The following MROH9 variants were observed in gnomAD, a reference collection of about 807,000 sequenced individuals.
MROH9 encodes the protein maestro heat-like repeat-containing protein family member 9.
A neutral mutation model predicts 98.2 loss-of-function variants in MROH9; 92 were observed. The observed-to-expected ratio is 0.94, with a 90% CI of 0.79 to 1.11. The LOEUF is 1.11. Among genes scored for constraint, MROH9 ranks in the 50% most tolerant of loss-of-function variants. MROH9 has a pLI of 0.00. For missense variants in MROH9, 1,057 were observed against 1,014.8 expected, an observed-to-expected ratio of 1.04 and a Z score of -0.57; for synonymous variants, 397 against 368.9, an observed-to-expected ratio of 1.08 and a Z score of -0.87.
intron 2 of MROH9, among the ~76,000 whole-genome samples, chr1:170,946,351 C>T (rs1047437183): frequency 6.6e-6 from 1 of 151,830 alleles, no homozygotes; most frequent in Non-Finnish European, 1.5e-5. Context: ...CTCTTCAAAA[C>T]TGTCAAGGTC....
intron 6 of MROH9, among the ~76,000 whole-genome samples, chr1:170,962,261 T>C (rs1374956583): frequency 6.6e-6 from 1 of 152,150 alleles, no homozygotes; most frequent in African/African-American, 2.4e-5. Context: ...CAGAGAATAG[T>C]ATTAGAGAGC....
At chr1:170,954,255 C>A (rs1401137781) in intron 3 of MROH9, among the ~76,000 whole-genome samples, 1 of 152,006 alleles carries the variant, frequency 6.6e-6, no homozygotes, top group East Asian at 1.9e-4. Flanking sequence ...TAATTTTTCT[C>A]TTCATGTTTT....
At chr1:170,944,067 A>G (rs1018526313) in intron 1 of MROH9, among the ~76,000 whole-genome samples, 16 of 152,060 alleles carry the variant, frequency 1.1e-4, no homozygotes, top group Non-Finnish European at 2.4e-4. Context: ...CATTGATTTC[A>G]TTTTTAAAGC....
intron 20 of MROH9, among the ~76,000 whole-genome samples, chr1:171,040,298 T>C (rs1264654955): frequency 3.9e-5 from 6 of 152,190 alleles, no homozygotes; most frequent in Admixed American, 2.6e-4. Context: ...AGCTAATGTA[T>C]AGCATGAAAA....
At chr1:171,043,942 A>G (rs962232683) in intron 20 of MROH9, among the ~76,000 whole-genome samples, 6 of 152,130 alleles carry the variant, frequency 3.9e-5, no homozygotes, top group Admixed American at 1.3e-4. Context: ...TTCTGTTCCA[A>G]TTTAGATATC....
intron 15 of MROH9, among the ~76,000 whole-genome samples, 166 bp from the exon 16 acceptor site, chr1:171,013,951 A>C (rs1029316686): frequency 1.3e-5 from 2 of 151,778 alleles, no homozygotes; most frequent in African/African-American, 4.8e-5. Flanking sequence ...CTATTTTTCT[A>C]TCCTGATTGT....
At position 171,064,114 on chromosome 1, in the gene MROH9, T is replaced by C; in HGVS notation, c.2360T>C (p.Leu787Pro). 2 of 1,540,326 alleles carry C rather than the reference T, an allele frequency of 1.3e-6. No individual in the cohort carries two copies. Among genetic ancestry groups the C allele is most frequent in the Non-Finnish European group, 1.7e-6 (2 of 1,144,336 alleles). The stretch of plus-strand genomic sequence containing the variant: ...GATATTACAGTTATTGAACGACTGC[T>C]CCGAGATGAAGACCCTATGATCAAA... ...EVMLDVIERL[L>P]RDEDPMIKQL... Residue 787 changes from leucine to proline, a missense_variant, in exon 22 of 22, where the codon CTC (leucine) becomes CCC (proline). Leu to Pro is a moderately conservative substitution (Grantham distance 98). Transcript: ENST00000367759.
intron 15 of MROH9, among the ~76,000 whole-genome samples, chr1:171,000,734 T>G (rs1200949355): frequency 6.6e-6 from 1 of 152,098 alleles, no homozygotes; most frequent in East Asian, 1.9e-4. Flanking sequence ...GTTTTGGTAT[T>G]AGGGTGATGC....
chr1:170,969,889 G>A (rs137989034), intron 7 of MROH9, among the ~76,000 whole-genome samples: 1 of 152,098 alleles, frequency 6.6e-6, no homozygotes, highest in African/African-American at 2.4e-5. Flanking sequence ...TTAGAGGAGG[G>A]GTAACTGTGG....
chr1:171,025,188 G>A lies in MROH9; in HGVS notation c.2179-130G>A, dbSNP rs546265872. ...AAGAGAGTTGAGTTTGGGAACAAGA[G>A]TATAGTTCACACAAAAGCATCCCCA... On this transcript the variant is annotated intron_variant, in intron 19 of 21. Coordinates refer to ENST00000367759, the MANE Select transcript of MROH9 (RefSeq NM_001163629.2). 8.1e-6 allele frequency: 5 copies of A among 618,704 alleles called. No homozygotes were observed. The Admixed American group carries it at 1.4e-4, about 17-fold the overall frequency. The allele number at this position is 618,704 out of a possible 1,614,324, so 38.3% of individuals were successfully genotyped here.
intron 15 of MROH9, among the ~76,000 whole-genome samples, chr1:171,002,826 C>T (rs901713337): frequency 2.6e-5 from 4 of 152,108 alleles, no homozygotes; most frequent in South Asian, 2.1e-4. Context: ...AAGTTTTCCT[C>T]GATTATTCCC....
In MROH9 at chr1:170,986,964, C is replaced by A. The variant is rs141515930; in HGVS notation, c.879+254C>A. On this transcript the variant is annotated intron_variant, in intron 10 of 21. Coordinates refer to ENST00000367759, the MANE Select transcript of MROH9 (RefSeq NM_001163629.2). Reference sequence around the variant, plus strand: ...CTCCTGGGCTTAAGCAATCCTCCCACCTCAGCCTCCTAAGCAGCTGGGACT... The same window carrying A: ...CTCCTGGGCTTAAGCAATCCTCCCAACTCAGCCTCCTAAGCAGCTGGGACT... Among the ~76,000 whole-genome samples, 26 of 152,288 alleles carry A rather than the reference C, an allele frequency of 1.7e-4. No individual in the cohort carries two copies. In the East Asian group the frequency reaches 3.7e-3, roughly 21 times the overall value.
chr1:170,970,426 G>C (rs1650397938), intron 7 of MROH9, among the ~76,000 whole-genome samples: 1 of 151,716 alleles, frequency 6.6e-6, no homozygotes, highest in South Asian at 2.1e-4. Flanking sequence ...CCAAAGAAAA[G>C]GACATTCAGG....
chr1:170,986,233 C>T (rs571647458), intron 9 of MROH9, among the ~76,000 whole-genome samples: 143 of 152,252 alleles, frequency 9.4e-4, no homozygotes, highest in African/African-American at 3.3e-3. Flanking sequence ...CTTCTGCTTT[C>T]TTCATAGTTG....
chr1:170,943,191 T>G (rs1008718058), intron 1 of MROH9, among the ~76,000 whole-genome samples: 11 of 152,044 alleles, frequency 7.2e-5, no homozygotes, highest in African/African-American at 2.7e-4. Flanking sequence ...CTTTTTTAAT[T>G]TAATGGAGTG....
chr1:170,957,018 T>C (rs1166131863), intron 3 of MROH9, among the ~76,000 whole-genome samples: 12 of 143,190 alleles, frequency 8.4e-5, no homozygotes, highest in African/African-American at 3.1e-4. Context: ...ATTATCTGCT[T>C]TTTTTTTTTT....
intron 13 of MROH9, 47 bp downstream of exon 13, chr1:170,995,578 A>T (rs1299309588): frequency 6.2e-7 from 1 of 1,602,132 alleles, no homozygotes. Flanking sequence ...ATAAGCGTCC[A>T]GCTGTCAATA....
chr1:171,003,413 A>G (rs1365646593), intron 15 of MROH9, among the ~76,000 whole-genome samples: 1 of 151,992 alleles, frequency 6.6e-6, no homozygotes, highest in Non-Finnish European at 1.5e-5. Flanking sequence ...TGTTGTTCAA[A>G]TTTTTTTGTC....
At chr1:170,989,362 G>A (rs539972384) in intron 10 of MROH9, among the ~76,000 whole-genome samples, 2 of 152,158 alleles carry the variant, frequency 1.3e-5, no homozygotes, top group Non-Finnish European at 2.9e-5. Flanking sequence ...TGGGACCTAC[G>A]AGTAGAGTTT....
Sources: allele counts gnomAD v4.1 joint callset (sites outside exome capture counted in the v4.1 genomes callset), GRCh38; gene constraint gnomAD v4.1.1; transcripts MANE v1.5; gene names NCBI Gene and HGNC (gene_info 2026-07-23, HGNC 2026-07-21).